MLPH: variants seen among roughly 807,000 people sequenced by gnomAD.
MLPH encodes the protein exophilin-3.
In MLPH, 51 loss-of-function variants were observed where a neutral mutation model predicts 72.1. The observed-to-expected ratio is 0.71, with a 90% CI of 0.56 to 0.89. The LOEUF (loss-of-function observed/expected upper bound fraction) is 0.89, where lower values mean the gene tolerates loss of function less well. Ranked by LOEUF, MLPH falls within the 40% of genes least tolerant of loss-of-function variation. MLPH has a pLI of 0.00. For synonymous variants in MLPH, 301 were observed against 310.1 expected, an observed-to-expected ratio of 0.97 and a Z score of 0.31; for missense variants, 743 against 759.9, an observed-to-expected ratio of 0.98 and a Z score of 0.26.
intron 9 of MLPH, among the ~76,000 whole-genome samples, chr2:237,535,972 C>A (rs2080522561): frequency 6.6e-6 from 1 of 152,200 alleles, no homozygotes; most frequent in Non-Finnish European, 1.5e-5. Flanking sequence ...AAGTTGCATG[C>A]CACTTGACTC....
intron 13 of MLPH, among the ~76,000 whole-genome samples, chr2:237,548,499 A>G (rs557694461): frequency 6.6e-6 from 1 of 152,350 alleles, no homozygotes; most frequent in African/African-American, 2.4e-5. Context: ...GTTAGCCACA[A>G]GTGATCTTCC....
chr2:237,502,441 A>G lies in MLPH; in HGVS notation c.111-8133A>G, dbSNP rs1413950992. The stretch of plus-strand genomic sequence containing the variant: ...TCCTCCTGGGCACCCTGGAGCTTGC[A>G]TTGGTGCTGATTTGTGTCTTGCTTT... On this transcript the variant is annotated intron_variant, in intron 2 of 15. Coordinates refer to ENST00000264605, the MANE Select transcript of MLPH (RefSeq NM_024101.7). 3.9e-5 allele frequency among the ~76,000 whole-genome samples: 6 copies of G among 152,248 alleles called. No individual in the cohort carries two copies. The East Asian group carries it at 1.2e-3, about 29-fold the overall frequency.
At chr2:237,500,517 G>T (rs1437475239) in intron 2 of MLPH, among the ~76,000 whole-genome samples, 2 of 152,214 alleles carry the variant, frequency 1.3e-5, no homozygotes, top group African/African-American at 4.8e-5. Flanking sequence ...TACTACAGCA[G>T]CTAGACAACA....
chr2:237,541,043 C>T lies in MLPH; in HGVS notation c.1446+86C>T, dbSNP rs2080670658. Reference sequence around the variant, plus strand: ...GGCCTTGAACATCTGCCAGCTCTAACATCCGCCAGCTCACACTGAGCCCTC... The same window carrying T: ...GGCCTTGAACATCTGCCAGCTCTAATATCCGCCAGCTCACACTGAGCCCTC... On this transcript the variant is annotated intron_variant, in intron 11 of 15. Coordinates refer to ENST00000264605, the MANE Select transcript of MLPH (RefSeq NM_024101.7). The surrounding 1 kb of genome is among the most constrained non-coding windows in gnomAD (Gnocchi z 5.1). 6.7e-7 allele frequency: 1 copy of T among 1,498,746 alleles called. No homozygotes were observed. The highest frequency in any genetic ancestry group is 2.0e-5 in the Admixed American group (1 of 50,944). The allele number at this position is 1,498,746 out of a possible 1,614,324, so 92.8% of individuals were successfully genotyped here. A position where few individuals can be genotyped will look rare whatever the true frequency, so the allele number is the denominator to read the frequency against.
In MLPH at chr2:237,541,951, C is replaced by A. The variant is rs1371419089; in HGVS notation, c.1447-616C>A. 6.6e-6 allele frequency among the ~76,000 whole-genome samples: 1 copy of A among 152,208 alleles called. No homozygotes were observed. The highest frequency in any genetic ancestry group is 2.4e-5 in the African/African-American group (1 of 41,450). ...GGGGCAGGAGGCCGGGTGGAGGGAGCAGCCCGTGCCAAGGCCCTGGGGTGG... is the reference window on the plus strand; with the variant it reads ...GGGGCAGGAGGCCGGGTGGAGGGAGAAGCCCGTGCCAAGGCCCTGGGGTGG... On this transcript the variant is annotated intron_variant, in intron 11 of 15. Coordinates refer to ENST00000264605, the MANE Select transcript of MLPH (RefSeq NM_024101.7). This position sits in a 1 kb window ranked among gnomAD's most constrained non-coding sequence, Gnocchi z 5.1.
At chr2:237,548,862 G>C (rs1313665746) in intron 13 of MLPH, among the ~76,000 whole-genome samples, 1 of 152,208 alleles carries the variant, frequency 6.6e-6, no homozygotes, top group Non-Finnish European at 1.5e-5. Flanking sequence ...CTGGGTGACA[G>C]AGCGAGACTC....
Position 237,518,722 on chromosome 2 carries a change from T to C in MLPH, c.555+74T>C, listed in dbSNP as rs1357899136. 5 of 1,200,640 alleles carry C rather than the reference T, an allele frequency of 4.2e-6. No individual in the cohort carries two copies. In the Admixed American group the frequency reaches 9.7e-5, roughly 23 times the overall value. 74.4% of individuals were successfully genotyped at this position (1,200,640 alleles called of 1,614,324 possible). A position where few individuals can be genotyped will look rare whatever the true frequency, so the allele number is the denominator to read the frequency against. On this transcript the variant is annotated intron_variant, in intron 5 of 15. Coordinates refer to ENST00000264605, the MANE Select transcript of MLPH (RefSeq NM_024101.7). ...GCAGCTGGGACGTCAGGTTCTGATT[T>C]CCTGAAAACCTTGATGGCCTCTCCA...
At chr2:237,507,881 C>G (rs10187185) in intron 2 of MLPH, among the ~76,000 whole-genome samples, 53,321 of 152,072 alleles carry the variant, frequency 0.35, 12,422 homozygotes, top group African/African-American at 0.66. Context: ...AGTGAAAATG[C>G]TATTTCATAA....
chr2:237,493,035 C>T (rs542425712), intron 1 of MLPH, among the ~76,000 whole-genome samples: 75 of 152,268 alleles, frequency 4.9e-4, no homozygotes, highest in African/African-American at 1.3e-3. Flanking sequence ...TCAGGAATGG[C>T]GCATTTCTCC....
At position 237,505,702 on chromosome 2, in the gene MLPH, G is replaced by A. The variant is rs959502786; in HGVS notation, c.111-4872G>A. ...CCAATCCTGTCCAGACCCCATCATA[G>A]GAGCGGCCTTTCCTTCCTGTTCCCG... On this transcript the variant is annotated intron_variant, in intron 2 of 15. Transcript: ENST00000264605. This position sits in a 1 kb window ranked among gnomAD's most constrained non-coding sequence, Gnocchi z 4.5. Among the ~76,000 whole-genome samples, 1 of 152,126 alleles carries A rather than the reference G, an allele frequency of 6.6e-6. No individual in the cohort carries two copies. Among genetic ancestry groups the A allele is most frequent in the African/African-American group, 2.4e-5 (1 of 41,428 alleles).
Position 237,510,706 on chromosome 2 carries a change from C to T in MLPH, c.243C>T (p.Cys81=), listed in dbSNP as rs2079874606. ...TGCTTGTGAATAGCAAAAGGCAGTGCCTGGAATGTGGCCTCTTCACCTGCA... is the reference window on the plus strand; with the variant it reads ...TGCTTGTGAATAGCAAAAGGCAGTGTCTGGAATGTGGCCTCTTCACCTGCA... ...YQLLVNSKRQ[C]LECGLFTCKS... Residue 81 remains cysteine (C), a synonymous_variant, in exon 3 of 16, where the codon TGC becomes TGT. Transcript: ENST00000264605. The surrounding 1 kb of genome is among the most constrained non-coding windows in gnomAD (Gnocchi z 4.4). 5 of 1,613,750 alleles carry T rather than the reference C, an allele frequency of 3.1e-6. No homozygotes were observed. The highest frequency in any genetic ancestry group is 4.2e-6 in the Non-Finnish European group (5 of 1,180,050).
chr2:237,495,998 T>G (rs1336200465), intron 2 of MLPH, among the ~76,000 whole-genome samples: 1 of 152,196 alleles, frequency 6.6e-6, no homozygotes, highest in South Asian at 2.1e-4. Context: ...TCCCATTCTC[T>G]CTACGTAAAC....
intron 12 of MLPH, 27 bp downstream of exon 12, chr2:237,542,686 G>T: frequency 7.0e-7 from 1 of 1,436,420 alleles, no homozygotes; most frequent in South Asian, 1.2e-5. Context: ...GGTGAGTGGA[G>T]ACAGTGCTGA....
chr2:237,532,512 C>T (rs1037459137), intron 8 of MLPH, among the ~76,000 whole-genome samples: 2 of 152,208 alleles, frequency 1.3e-5, no homozygotes, highest in Non-Finnish European at 2.9e-5. Context: ...CGTGTGTGCT[C>T]GGGCTACAGA....
At chr2:237,545,555 CT>C (rs1401677697) in intron 12 of MLPH, 1 of 1,288,332 alleles carries the variant, frequency 7.8e-7, no homozygotes, top group Non-Finnish European at 1.0e-6. Context: ...ATCATGTTGC[CT>C]CATGTGGAAA....
chr2:237,497,465 C>T (rs1051238796), intron 2 of MLPH, among the ~76,000 whole-genome samples: 4 of 152,314 alleles, frequency 2.6e-5, no homozygotes, highest in African/African-American at 7.2e-5. Context: ...TCGTGAGCCC[C>T]GGGGAGTGGC....
In MLPH at chr2:237,493,596, C is replaced by G. The variant is rs942292682; in HGVS notation, c.110+60C>G. On this transcript the variant is annotated intron_variant, in intron 2 of 15. Transcript: ENST00000264605. The stretch of plus-strand genomic sequence containing the variant: ...GTCCCTGATCTTCCCCCAGGGCCAT[C>G]ATATGGGTGCTGTCTGGGTGGGTCA... The G allele has an allele frequency of 6.1e-6, 8 of 1,309,456 alleles. No individual in the cohort carries two copies. In the Admixed American group the frequency reaches 8.4e-5, roughly 14 times the overall value. 81.1% of individuals were successfully genotyped at this position (1,309,456 alleles called of 1,614,324 possible).
intron 6 of MLPH, among the ~76,000 whole-genome samples, chr2:237,524,304 T>C (rs114142108): frequency 3.5e-5 from 5 of 141,542 alleles, no homozygotes; most frequent in African/African-American, 5.8e-5. Flanking sequence ...ACTAATAGAA[T>C]ATATATATAT....
intron 6 of MLPH, among the ~76,000 whole-genome samples, chr2:237,523,678 T>A (rs1314058789): frequency 1.3e-5 from 2 of 152,230 alleles, no homozygotes; most frequent in African/African-American, 2.4e-5. Flanking sequence ...GGTTTAATAC[T>A]GTTAATATAC....
Sources: gnomAD v4.1 joint callset for allele counts (sites outside exome capture counted in the v4.1 genomes callset) on GRCh38, gnomAD v4.1.1 for gene constraint, Gnocchi (gnomAD v3.1) non-coding constraint, MANE v1.5 for transcripts, NCBI Gene and HGNC (gene_info 2026-07-23, HGNC 2026-07-21) for gene names.